IGBP1C: variants seen among roughly 807,000 people sequenced by gnomAD.
IGBP1C encodes immunoglobulin-binding protein 1 family member C.
chr17:58,669,670 G>A, the IGBP1C span, among the ~76,000 whole-genome samples: 1 of 148,498 alleles, frequency 6.7e-6, no homozygotes, highest in Non-Finnish European at 1.5e-5. Context: ...GGAGGCAGAG[G>A]TTGCAGGGAG....
chr17:58,679,868 A>G, the IGBP1C span, among the ~76,000 whole-genome samples: 2 of 152,158 alleles, frequency 1.3e-5, no homozygotes, highest in Non-Finnish European at 2.9e-5. Flanking sequence ...AAGAAATATA[A>G]GCCTAGGGTG....
At chr17:58,673,982 G>C in the IGBP1C span, among the ~76,000 whole-genome samples, 1 of 152,142 alleles carries the variant, frequency 6.6e-6, no homozygotes, top group Admixed American at 6.6e-5. Context: ...TCTTATAAAA[G>C]GAAACCCTGG....
the IGBP1C span, among the ~76,000 whole-genome samples, chr17:58,687,850 C>A: frequency 6.6e-6 from 1 of 152,108 alleles, no homozygotes; most frequent in Non-Finnish European, 1.5e-5. Flanking sequence ...AAGATAGCTA[C>A]ACAAGTCAGA....
chr17:58,688,939 A>AT, the IGBP1C span, among the ~76,000 whole-genome samples: 13 of 151,020 alleles, frequency 8.6e-5, no homozygotes, highest in Middle Eastern at 3.4e-3. Context: ...CTATACATAT[A>AT]TTTTTTTTTG....
the IGBP1C span, among the ~76,000 whole-genome samples, chr17:58,668,399 G>A: frequency 1.3e-5 from 2 of 152,194 alleles, no homozygotes; most frequent in East Asian, 1.9e-4. Context: ...GCCTGGAGGA[G>A]CTGCAGTAAC....
At chr17:58,688,028 AC>A in the IGBP1C span, among the ~76,000 whole-genome samples, 1 of 152,164 alleles carries the variant, frequency 6.6e-6, no homozygotes, top group African/African-American at 2.4e-5. Flanking sequence ...CTGAATGTAG[AC>A]CCCAGTCATA....
the IGBP1C span, among the ~76,000 whole-genome samples, chr17:58,677,119 CAAAAA>C: frequency 1.3e-5 from 1 of 78,658 alleles, no homozygotes; most frequent in African/African-American, 4.7e-5. Context: ...AACTCCGTCT[CAAAAA>C]AAAAAAAAAA....
At chr17:58,671,912 T>C in the IGBP1C span, among the ~76,000 whole-genome samples, 1 of 152,060 alleles carries the variant, frequency 6.6e-6, no homozygotes, top group Non-Finnish European at 1.5e-5. Flanking sequence ...TCTCACCTAC[T>C]TCATGCTGCA....
At chr17:58,691,464 C>T in the IGBP1C span, among the ~76,000 whole-genome samples, 2 of 151,550 alleles carry the variant, frequency 1.3e-5, no homozygotes, top group African/African-American at 2.4e-5. Context: ...GTCAGGAGTT[C>T]GAGACCAGCC....
chr17:58,660,494 G>T, the IGBP1C span: 1 of 699,534 alleles, frequency 1.4e-6, no homozygotes, highest in South Asian at 1.7e-5. Context: ...ACAGCTGTAG[G>T]GGAGCTCAGG....
At chr17:58,675,037 TTG>T in the IGBP1C span, among the ~76,000 whole-genome samples, 1 of 151,680 alleles carries the variant, frequency 6.6e-6, no homozygotes, top group Admixed American at 6.6e-5. Flanking sequence ...CCCCAGCTTC[TTG>T]GGAGGCTGAG....
At chr17:58,680,963 T>C in the IGBP1C span, among the ~76,000 whole-genome samples, 1 of 152,092 alleles carries the variant, frequency 6.6e-6, no homozygotes, top group Non-Finnish European at 1.5e-5. Flanking sequence ...TTTCCATCTT[T>C]ACAAAAGGAA....
chr17:58,673,983 G>A, the IGBP1C span, among the ~76,000 whole-genome samples: 1 of 152,096 alleles, frequency 6.6e-6, no homozygotes, highest in African/African-American at 2.4e-5. Flanking sequence ...CTTATAAAAG[G>A]AAACCCTGGG....
At chr17:58,680,061 G>A in the IGBP1C span, among the ~76,000 whole-genome samples, 1 of 150,364 alleles carries the variant, frequency 6.7e-6, no homozygotes, top group East Asian at 1.9e-4. Flanking sequence ...CACTAATGAT[G>A]CCACTATGGT....
chr17:58,666,046 C>CAA, the IGBP1C span, among the ~76,000 whole-genome samples: 31 of 99,050 alleles, frequency 3.1e-4, no homozygotes, highest in Admixed American at 7.4e-4. Flanking sequence ...GACTCTGTCT[C>CAA]AAAAAAAAAA....
the IGBP1C span, among the ~76,000 whole-genome samples, chr17:58,688,747 T>C: frequency 2.6e-5 from 4 of 152,238 alleles, no homozygotes; most frequent in East Asian, 1.9e-4. Flanking sequence ...CCCATAGCAA[T>C]GTCTCTCAAA....
chr17:58,667,907 AAAAG>A, the IGBP1C span, among the ~76,000 whole-genome samples: 2 of 152,024 alleles, frequency 1.3e-5, no homozygotes, highest in Non-Finnish European at 2.9e-5. Context: ...AAAAAAAAAA[AAAAG>A]ATTCTTTTCT....
chr17:58,682,348 C>T, the IGBP1C span, among the ~76,000 whole-genome samples: 1 of 151,726 alleles, frequency 6.6e-6, no homozygotes, highest in Non-Finnish European at 1.5e-5. Context: ...ACATCTGCCT[C>T]CCAGGTTCAA....
chr17:58,690,426 A>G, the IGBP1C span, among the ~76,000 whole-genome samples: 1 of 152,190 alleles, frequency 6.6e-6, no homozygotes, highest in Non-Finnish European at 1.5e-5. Flanking sequence ...TTGGCCTCCC[A>G]AAGTGCTTGG....
Sources: allele counts gnomAD v4.1 joint callset (sites outside exome capture counted in the v4.1 genomes callset), GRCh38; gene constraint gnomAD v4.1.1; transcripts MANE v1.5; gene names NCBI Gene and HGNC (gene_info 2026-07-23, HGNC 2026-07-21).